The following MEIS2 variants were observed in gnomAD, a reference collection of about 807,000 sequenced individuals.
The protein encoded by MEIS2 is homeobox protein Meis2.
In MEIS2, 9 loss-of-function variants were observed where a neutral mutation model predicts 58.6. That is an observed-to-expected ratio of 0.15 (90% CI 0.09 to 0.27). The LOEUF (loss-of-function observed/expected upper bound fraction) is 0.27, where lower values mean the gene tolerates loss of function less well. Ranked by LOEUF, MEIS2 falls within the 10% of genes least tolerant of loss-of-function variation. MEIS2 has a pLI of 1.00. For missense variants in MEIS2, 427 were observed against 635.0 expected, an observed-to-expected ratio of 0.67 and a Z score of 3.52; for synonymous variants, 221 against 228.4, an observed-to-expected ratio of 0.97 and a Z score of 0.29.
Position 37,098,088 on chromosome 15 carries a change from C to G in MEIS2, c.124G>C (p.Gly42Arg), listed in dbSNP as rs1316493017. 2 of 1,613,640 alleles carry G rather than the reference C, an allele frequency of 1.2e-6. No individual in the cohort carries two copies. Among genetic ancestry groups the G allele is most frequent in the Non-Finnish European group, 1.7e-6 (2 of 1,179,944 alleles). The part of the protein sequence containing the change: ...PIPPVHHLNH[G>R]PPLHATQHYG... ...TGCTGTGTGGCGTGGAGCGGCGGCCCGTGGTTCAGGTGGTGAACCGGGGGG... is the reference window on the plus strand; with the variant it reads ...TGCTGTGTGGCGTGGAGCGGCGGCCGGTGGTTCAGGTGGTGAACCGGGGGG... The change falls in exon 2 of 12, where the codon GGG becomes CGG. Residue 42 changes from glycine to arginine, a missense_variant. Coordinates refer to ENST00000561208, the MANE Select transcript of MEIS2 (RefSeq NM_170675.5).
chr15:37,048,318 A>G (rs1292593341), intron 7 of MEIS2, among the ~76,000 whole-genome samples: 3 of 152,142 alleles, frequency 2.0e-5, no homozygotes, highest in Non-Finnish European at 4.4e-5. Flanking sequence ...ATTAAATGAA[A>G]CATTAAATGT....
At chr15:36,986,802 C>T (rs972818215) in intron 8 of MEIS2, among the ~76,000 whole-genome samples, 1 of 152,268 alleles carries the variant, frequency 6.6e-6, no homozygotes. Flanking sequence ...TTCTGTTTTG[C>T]TTTTTAAGAT....
intron 7 of MEIS2, among the ~76,000 whole-genome samples, chr15:37,040,376 G>T (rs538413129): frequency 6.6e-6 from 1 of 152,232 alleles, no homozygotes; most frequent in African/African-American, 2.4e-5. Flanking sequence ...GCTTATGCAA[G>T]GGCCCTCCCC....
intron 7 of MEIS2, among the ~76,000 whole-genome samples, chr15:37,039,353 CATATGGTTTCTGTGT>C (rs2141749120): frequency 6.6e-6 from 1 of 152,260 alleles, no homozygotes; most frequent in African/African-American, 2.4e-5. Context: ...TTTCTAAGCA[CATATGGTTTCTGTGT>C]ATATGTTTAA....
intron 7 of MEIS2, among the ~76,000 whole-genome samples, chr15:37,037,857 A>G (rs1479895028): frequency 6.6e-6 from 1 of 152,230 alleles, no homozygotes; most frequent in Non-Finnish European, 1.5e-5. Flanking sequence ...CCATATCCCT[A>G]CATTAATATT....
intron 11 of MEIS2, chr15:36,894,594 G>C (rs772816902): frequency 4.3e-5 from 30 of 704,258 alleles, no homozygotes; most frequent in Non-Finnish European, 6.0e-5. Flanking sequence ...TTTAAAAACA[G>C]GTCCTTAGTT....
chr15:37,088,978 A>T (rs1042140071), intron 6 of MEIS2, among the ~76,000 whole-genome samples: 1 of 152,204 alleles, frequency 6.6e-6, no homozygotes, highest in African/African-American at 2.4e-5. Context: ...ATTTCATCTC[A>T]TCACAGTTAC....
At chr15:36,971,537 T>TAAAGAAAAAAAAA (rs2059564461) in intron 8 of MEIS2, among the ~76,000 whole-genome samples, 1 of 67,086 alleles carries the variant, frequency 1.5e-5, no homozygotes, top group Non-Finnish European at 2.6e-5. Context: ...CTTGTTACAT[T>TAAAGAAAAAAAAA]AAAAAAAAAA....
At chr15:37,062,556 C>G (rs1385894338) in intron 7 of MEIS2, among the ~76,000 whole-genome samples, 2 of 152,202 alleles carry the variant, frequency 1.3e-5, no homozygotes, top group Admixed American at 6.5e-5. Flanking sequence ...TGTCAGTGAT[C>G]TTGTCCTACG....
chr15:37,011,089 T>A (rs941794079), intron 8 of MEIS2, among the ~76,000 whole-genome samples: 4 of 152,248 alleles, frequency 2.6e-5, no homozygotes, highest in Admixed American at 6.5e-5. Context: ...TGAAATGTCA[T>A]GTAGTCTATA....
At chr15:36,922,621 T>TTC (rs745491622) in intron 9 of MEIS2, among the ~76,000 whole-genome samples, 2 of 97,186 alleles carry the variant, frequency 2.1e-5, no homozygotes, top group African/African-American at 6.7e-5. Context: ...CTTTCTTTCT[T>TTC]TTTTTTTTTT....
intron 9 of MEIS2, among the ~76,000 whole-genome samples, chr15:36,904,643 T>C (rs1015723552): frequency 2.0e-5 from 3 of 152,020 alleles, no homozygotes; most frequent in Non-Finnish European, 4.4e-5. Flanking sequence ...TTCTTCTTTT[T>C]TTTTTTTTAT....
At chr15:37,075,305 T>C (rs1052122860) in intron 7 of MEIS2, among the ~76,000 whole-genome samples, 2 of 152,082 alleles carry the variant, frequency 1.3e-5, no homozygotes, top group Non-Finnish European at 2.9e-5. Context: ...TTAAGTACTA[T>C]CTTAAAGTAA....
At chr15:37,057,595 C>T (rs2141829895) in intron 7 of MEIS2, among the ~76,000 whole-genome samples, 1 of 152,154 alleles carries the variant, frequency 6.6e-6, no homozygotes, top group South Asian at 2.1e-4. Context: ...CCTCCTGGGA[C>T]CCAACTAGCT....
chr15:37,035,000 T>C (rs941208992), intron 8 of MEIS2, among the ~76,000 whole-genome samples: 2 of 152,152 alleles, frequency 1.3e-5, no homozygotes, highest in Non-Finnish European at 2.9e-5. Context: ...ACATTGGTTT[T>C]GATGACAGAG....
intron 8 of MEIS2, among the ~76,000 whole-genome samples, chr15:37,003,760 G>A (rs2060820370): frequency 6.6e-6 from 1 of 152,148 alleles, no homozygotes; most frequent in Non-Finnish European, 1.5e-5. Context: ...AGGAAGTGGG[G>A]CCTTCCAGTA....
rs899835417 is a variant in MEIS2 at position 36,890,197 on chromosome 15, A to T, written c.*1976T>A. ...ATATGACATTATTCTTTCTAAACAA[A>T]GATTCAAAATTTAAGAGTTAAAAAA... On this transcript the variant is annotated 3_prime_UTR_variant, in exon 12 of 12. Coordinates refer to ENST00000561208, the MANE Select transcript of MEIS2 (RefSeq NM_170675.5). The T allele has an allele frequency of 6.6e-6, 1 of 152,196 alleles. No individual in the cohort carries two copies. Among genetic ancestry groups the T allele is most frequent in the Non-Finnish European group, 1.5e-5 (1 of 68,016 alleles). The allele number at this position is 152,196 out of a possible 1,614,324, so 9.4% of individuals were successfully genotyped here. A position where few individuals can be genotyped will look rare whatever the true frequency, so the allele number is the denominator to read the frequency against.
intron 11 of MEIS2, among the ~76,000 whole-genome samples, chr15:36,893,073 G>T (rs546342489): frequency 1.3e-5 from 2 of 152,144 alleles, no homozygotes; most frequent in Non-Finnish European, 1.5e-5. Flanking sequence ...TGACATGCCC[G>T]GTAGTTTATC....
intron 7 of MEIS2, among the ~76,000 whole-genome samples, chr15:37,067,088 C>CTT (rs542247552): frequency 1.5e-4 from 19 of 129,578 alleles, no homozygotes; most frequent in Admixed American, 4.0e-4. Context: ...GCAACTAACT[C>CTT]TTTTTTTTTT....
Sources: allele counts gnomAD v4.1 joint callset (sites outside exome capture counted in the v4.1 genomes callset), GRCh38; gene constraint gnomAD v4.1.1; transcripts MANE v1.5; gene names NCBI Gene and HGNC (gene_info 2026-07-23, HGNC 2026-07-21).